The following MCUB variants were observed in gnomAD, a reference collection of about 807,000 sequenced individuals.
The protein encoded by MCUB is mitochondrial calcium uniporter dominant negative subunit beta.
Under a neutral mutation model 41.4 loss-of-function variants are expected in MCUB, and 46 were observed. That is an observed-to-expected ratio of 1.11 (90% CI 0.88 to 1.42). MCUB has a LOEUF of 1.42. Among genes scored for constraint, MCUB ranks in the 40% most tolerant of loss-of-function variants. The pLI is 0.00. For missense variants in MCUB, 403 were observed against 404.9 expected (o/e 1.00, Z 0.04); for synonymous variants, 148 against 148.2 (o/e 1.00, Z 0.01).
intron 1 of MCUB, among the ~76,000 whole-genome samples, chr4:109,597,287 C>T (rs1727581349): frequency 1.3e-5 from 2 of 152,128 alleles, no homozygotes; most frequent in Admixed American, 1.3e-4. Flanking sequence ...CAGAGGGGCT[C>T]CTCACTTCCC....
At chr4:109,573,849 G>A (rs577049549) in intron 1 of MCUB, among the ~76,000 whole-genome samples, 2 of 150,050 alleles carry the variant, frequency 1.3e-5, no homozygotes, top group East Asian at 3.9e-4. Context: ...TCTTGTAGGA[G>A]ATGATTAAAA....
chr4:109,649,333 C>T (rs1418302817), intron 1 of MCUB, among the ~76,000 whole-genome samples: 3 of 152,068 alleles, frequency 2.0e-5, no homozygotes, highest in Non-Finnish European at 4.4e-5. Context: ...TCCTTTATCT[C>T]TATTGGTTTG....
intron 1 of MCUB, among the ~76,000 whole-genome samples, chr4:109,624,147 C>G (rs1728313309): frequency 6.6e-6 from 1 of 152,176 alleles, no homozygotes; most frequent in Non-Finnish European, 1.5e-5. Context: ...GCCACTGTAC[C>G]TGGCCCCATT....
At chr4:109,584,091 G>C (rs1038368585) in intron 1 of MCUB, among the ~76,000 whole-genome samples, 9 of 151,996 alleles carry the variant, frequency 5.9e-5, no homozygotes, top group African/African-American at 2.2e-4. Context: ...GACTTTTTTT[G>C]GTTGGTAGGC....
At chr4:109,653,072 T>C (rs1467466255) in intron 1 of MCUB, among the ~76,000 whole-genome samples, 1 of 152,146 alleles carries the variant, frequency 6.6e-6, no homozygotes, top group Non-Finnish European at 1.5e-5. Flanking sequence ...TAAATGTATA[T>C]TTAACTTTAT....
At chr4:109,581,270 A>T (rs1197489128) in intron 1 of MCUB, among the ~76,000 whole-genome samples, 1 of 152,242 alleles carries the variant, frequency 6.6e-6, no homozygotes. Context: ...TGACAAAAAC[A>T]AGCAATGGGG....
In MCUB at chr4:109,660,378, A is replaced by G. The variant is rs1294918051; in HGVS notation, c.346+13A>G. 1 of 1,505,944 alleles carries G rather than the reference A, an allele frequency of 6.6e-7. No homozygotes were observed. The highest frequency in any genetic ancestry group is 9.1e-7 in the Non-Finnish European group (1 of 1,099,984). The allele number at this position is 1,505,944 out of a possible 1,614,324, so 93.3% of individuals were successfully genotyped here. On this transcript the variant is annotated intron_variant, in intron 3 of 7. Coordinates refer to ENST00000394650, the MANE Select transcript of MCUB (RefSeq NM_017918.5). ...ATCTTCACAGCAGGTATATATGTAT[A>G]TAATTTTACAACTTTGTCCCAGGGT...
chr4:109,571,165 C>G (rs1231487979), intron 1 of MCUB, among the ~76,000 whole-genome samples: 4 of 152,148 alleles, frequency 2.6e-5, no homozygotes, highest in Non-Finnish European at 1.5e-5. Context: ...TTTCATCTAG[C>G]CCAACATTAG....
At position 109,582,494 on chromosome 4, in the gene MCUB, G is replaced by C. The variant is rs187747835; in HGVS notation, c.99+22058G>C. 6.6e-3 allele frequency among the ~76,000 whole-genome samples: 995 copies of C among 150,932 alleles called. 12 individuals carry two copies. The highest frequency in any genetic ancestry group is 0.023 in the African/African-American group (945 of 41,032). On this transcript the variant is annotated intron_variant, in intron 1 of 7. Coordinates refer to ENST00000394650, the MANE Select transcript of MCUB (RefSeq NM_017918.5). Reference sequence around the variant, plus strand: ...TACATATGTAACAAACCTGCACGTGGGGCACATGTACCCTAAAACTTAAAG... The same window carrying C: ...TACATATGTAACAAACCTGCACGTGCGGCACATGTACCCTAAAACTTAAAG...
rs564743687 is a variant in MCUB, at chr4:109,688,410, A to G, written c.*818A>G. ...CAGAATCAGATTTTGCAGGTGTTCA[A>G]CCTATAGTGGCTAAGAATTATGTTT... On this transcript the variant is annotated 3_prime_UTR_variant, in exon 8 of 8. Transcript: ENST00000394650. 1.3e-5 allele frequency: 2 copies of G among 152,350 alleles called. No homozygotes were observed. Among genetic ancestry groups the G allele is most frequent in the East Asian group, 1.9e-4 (1 of 5,194 alleles). 9.4% of individuals were successfully genotyped at this position (152,350 alleles called of 1,614,324 possible).
intron 1 of MCUB, among the ~76,000 whole-genome samples, chr4:109,602,869 G>A (rs911559202): frequency 1.5e-4 from 23 of 151,930 alleles, no homozygotes; most frequent in African/African-American, 3.4e-4. Flanking sequence ...TTTGGTGTCC[G>A]CTTCTTGCAT....
At position 109,684,149 on chromosome 4, in the gene MCUB, A is replaced by G. The variant is rs768268926; in HGVS notation, c.613-294A>G. On this transcript the variant is annotated intron_variant, in intron 5 of 7. Transcript: ENST00000394650. ...GTGATCTTGGCTCACTGCAAGCTCCACCTCCTGGGTTCACGCCATTCTTCT... is the reference window on the plus strand; with the variant it reads ...GTGATCTTGGCTCACTGCAAGCTCCGCCTCCTGGGTTCACGCCATTCTTCT... 2.7e-5 allele frequency among the ~76,000 whole-genome samples: 4 copies of G among 146,444 alleles called. No homozygotes were observed. In the Admixed American group the frequency reaches 2.8e-4, roughly 10 times the overall value.
chr4:109,673,959 A>T (rs1201563900), intron 4 of MCUB: 2 of 832,828 alleles, frequency 2.4e-6, no homozygotes, highest in East Asian at 4.8e-5. Context: ...GTTTTGCAGC[A>T]GTTGTTGCAT....
intron 4 of MCUB, among the ~76,000 whole-genome samples, chr4:109,668,631 A>G (rs1729393343): frequency 6.6e-6 from 1 of 151,000 alleles, no homozygotes; most frequent in Non-Finnish European, 1.5e-5. Context: ...GGCCATTGAC[A>G]TTCAAATTGA....
At chr4:109,614,871 A>G (rs1371646991) in intron 1 of MCUB, among the ~76,000 whole-genome samples, 3 of 152,146 alleles carry the variant, frequency 2.0e-5, no homozygotes, top group African/African-American at 7.2e-5. Context: ...ACTCATACGC[A>G]TTCATAGTAG....
intron 4 of MCUB, among the ~76,000 whole-genome samples, chr4:109,667,114 G>A (rs532091073): frequency 2.0e-4 from 30 of 152,204 alleles, no homozygotes; most frequent in Admixed American, 9.2e-4. Flanking sequence ...AATGAGTTAG[G>A]AAGTATTCCC....
At chr4:109,578,349 A>G (rs956536560) in intron 1 of MCUB, among the ~76,000 whole-genome samples, 1 of 152,174 alleles carries the variant, frequency 6.6e-6, no homozygotes, top group Admixed American at 6.5e-5. Context: ...TGTATGTACA[A>G]TCTCATATAA....
intron 1 of MCUB, among the ~76,000 whole-genome samples, chr4:109,613,766 T>C (rs1728068898): frequency 6.6e-6 from 1 of 152,098 alleles, no homozygotes; most frequent in Admixed American, 6.6e-5. Context: ...AGTGCCATAT[T>C]CTTAAAAAAA....
chr4:109,681,352 T>A (rs80089256), intron 4 of MCUB: 4 of 353,162 alleles, frequency 1.1e-5, no homozygotes, highest in African/African-American at 8.6e-5. Flanking sequence ...CTAAAGTTTG[T>A]CTGTAGATTC....
Sources: allele counts gnomAD v4.1 joint callset (sites outside exome capture counted in the v4.1 genomes callset), GRCh38; gene constraint gnomAD v4.1.1; transcripts MANE v1.5; gene names NCBI Gene and HGNC (gene_info 2026-07-23, HGNC 2026-07-21).